KIAA1217: variants seen among roughly 807,000 people sequenced by gnomAD.
KIAA1217 encodes KIAA1217.
A neutral mutation model predicts 163.9 loss-of-function variants in KIAA1217; 88 were observed. That is an observed-to-expected ratio of 0.54 (90% CI 0.45 to 0.64). The LOEUF (loss-of-function observed/expected upper bound fraction) is 0.64, where lower values mean the gene tolerates loss of function less well. KIAA1217 is among the 30% of genes least tolerant of loss of function. The probability of loss-of-function intolerance (pLI) is 0.00; values close to 1 mark genes in which losing one functional copy is unlikely to be tolerated. For missense variants in KIAA1217, 2,372 were observed against 2,475.0 expected (o/e 0.96, Z 0.88); for synonymous variants, 903 against 923.1 (o/e 0.98, Z 0.39).
In KIAA1217 at chr10:24,362,769, G is replaced by T. The variant is rs528122373; in HGVS notation, c.355-18100G>T. On this transcript the variant is annotated intron_variant, in intron 2 of 20. Transcript: ENST00000376454. ...TAATCCCAGCACTTTGAGAGGCCAG[G>T]GTAGGCAGATCACTTGAGGCCCGGA... Among the ~76,000 whole-genome samples the T allele has an allele frequency of 1.9e-3, 293 of 152,236 alleles. 1 individual carries two copies. Among genetic ancestry groups the T allele is most frequent in the African/African-American group, 6.4e-3 (266 of 41,544 alleles).
intron 2 of KIAA1217, among the ~76,000 whole-genome samples, chr10:24,287,861 A>G (rs1449364200): frequency 2.0e-5 from 3 of 152,224 alleles, no homozygotes; most frequent in African/African-American, 2.4e-5. Flanking sequence ...ACTGTTTAGA[A>G]TTCAAATGTT....
chr10:23,811,409 A>C lies in KIAA1217; in HGVS notation c.-321+116175A>C, dbSNP rs1837046013. On this transcript the variant is annotated intron_variant, in intron 1 of 18. Coordinates refer to the KIAA1217 transcript ENST00000376462. ...GGGAGTGGGACTGGAGAGGGAAAAAAGGGGAACTCAGTTTTGGCCAAAATG... is the reference window on the plus strand; with the variant it reads ...GGGAGTGGGACTGGAGAGGGAAAAACGGGGAACTCAGTTTTGGCCAAAATG... Among the ~76,000 whole-genome samples, 4 of 151,112 alleles carry C rather than the reference A, an allele frequency of 2.6e-5. No individual in the cohort carries two copies. The South Asian group carries it at 8.3e-4, about 31-fold the overall frequency.
chr10:24,538,396 G>A (rs974830142), intron 17 of KIAA1217, among the ~76,000 whole-genome samples: 7 of 152,116 alleles, frequency 4.6e-5, no homozygotes, highest in African/African-American at 1.7e-4. Flanking sequence ...AAGAAAACCT[G>A]GCCTGGCATG....
intron 2 of KIAA1217, among the ~76,000 whole-genome samples, chr10:24,201,560 A>C (rs1376014115): frequency 6.6e-6 from 1 of 152,094 alleles, no homozygotes; most frequent in Non-Finnish European, 1.5e-5. Context: ...ATACTTTGTA[A>C]ATCCTGGAGG....
intron 1 of KIAA1217, among the ~76,000 whole-genome samples, chr10:23,849,334 G>T (rs1194899826): frequency 6.6e-6 from 1 of 152,036 alleles, no homozygotes; most frequent in African/African-American, 2.4e-5. Flanking sequence ...ATCCACATTT[G>T]GATGTAGCAG....
chr10:23,906,430 A>G (rs2131258461), intron 1 of KIAA1217, among the ~76,000 whole-genome samples: 1 of 152,300 alleles, frequency 6.6e-6, no homozygotes, highest in African/African-American at 2.4e-5. Context: ...GAAGTAGAGA[A>G]AGAAATTTTA....
intron 2 of KIAA1217, among the ~76,000 whole-genome samples, chr10:24,105,281 G>C (rs919040595): frequency 1.3e-5 from 2 of 152,114 alleles, no homozygotes; most frequent in African/African-American, 2.4e-5. Flanking sequence ...AAAGCATCAA[G>C]TTGCAAAAAT....
intron 1 of KIAA1217, among the ~76,000 whole-genome samples, chr10:23,709,536 GAA>G (rs549194014): frequency 1.5e-5 from 2 of 131,376 alleles, no homozygotes; most frequent in African/African-American, 5.6e-5. Context: ...CTCCAAAAAA[GAA>G]AAAAAAAAAA....
chr10:24,138,689 C>A (rs1181570468), intron 2 of KIAA1217, among the ~76,000 whole-genome samples: 2 of 151,116 alleles, frequency 1.3e-5, no homozygotes, highest in Non-Finnish European at 2.9e-5. Flanking sequence ...TATATCACCA[C>A]TTCCCCCTAT....
chr10:23,733,939 A>AT (rs1588685189), intron 1 of KIAA1217, among the ~76,000 whole-genome samples: 2 of 152,102 alleles, frequency 1.3e-5, no homozygotes, highest in South Asian at 4.1e-4. Context: ...CATTTTAAAT[A>AT]TTTTTCAGTA....
chr10:24,293,721 C>T (rs576610394), intron 2 of KIAA1217, among the ~76,000 whole-genome samples: 10 of 152,220 alleles, frequency 6.6e-5, no homozygotes, highest in Non-Finnish European at 1.3e-4. Flanking sequence ...GCATTATCAA[C>T]GGTGTCTTAA....
chr10:23,980,688 A>G (rs1845726392), intron 1 of KIAA1217, among the ~76,000 whole-genome samples: 1 of 152,132 alleles, frequency 6.6e-6, no homozygotes, highest in African/African-American at 2.4e-5. Context: ...CACATTCCTG[A>G]TACCTGTTGT....
intron 1 of KIAA1217, among the ~76,000 whole-genome samples, chr10:24,002,417 G>A (rs1001837432): frequency 1.3e-5 from 2 of 152,076 alleles, no homozygotes; most frequent in African/African-American, 4.8e-5. Context: ...GGCACTTTTA[G>A]AACATTCCAG....
chr10:24,140,581 T>C (rs1430210504), intron 2 of KIAA1217, among the ~76,000 whole-genome samples: 1 of 152,184 alleles, frequency 6.6e-6, no homozygotes, highest in African/African-American at 2.4e-5. Context: ...GGATGATTCT[T>C]GTCCTGGGTG....
At chr10:24,428,895 T>G (rs2059376823) in intron 3 of KIAA1217, among the ~76,000 whole-genome samples, 1 of 151,452 alleles carries the variant, frequency 6.6e-6, no homozygotes, top group Admixed American at 6.6e-5. Context: ...CTCATGAAAC[T>G]TACATGTTAG....
chr10:24,190,127 T>C (rs1455170301), intron 2 of KIAA1217, among the ~76,000 whole-genome samples: 3 of 152,158 alleles, frequency 2.0e-5, no homozygotes, highest in African/African-American at 7.2e-5. Flanking sequence ...CAGATTCTTC[T>C]TGACCTCTCT....
chr10:23,853,554 T>A (rs1349597626), intron 1 of KIAA1217, among the ~76,000 whole-genome samples: 3 of 152,176 alleles, frequency 2.0e-5, no homozygotes, highest in Non-Finnish European at 2.9e-5. Flanking sequence ...GTATTCCCTC[T>A]TTTTCTATTG....
intron 2 of KIAA1217, among the ~76,000 whole-genome samples, chr10:24,344,907 A>G (rs918179020): frequency 5.3e-5 from 8 of 152,112 alleles, no homozygotes; most frequent in African/African-American, 1.7e-4. Context: ...CTCAGAATCA[A>G]CTCTGCAGAC....
chr10:24,074,534 T>A (rs528865194), intron 2 of KIAA1217, among the ~76,000 whole-genome samples: 40 of 152,168 alleles, frequency 2.6e-4, no homozygotes, highest in Non-Finnish European at 4.6e-4. Flanking sequence ...AAACTGTTTT[T>A]TGTTACATAA....
Sources: allele counts gnomAD v4.1 joint callset (sites outside exome capture counted in the v4.1 genomes callset), GRCh38; gene constraint gnomAD v4.1.1; transcripts MANE v1.5; gene names NCBI Gene and HGNC (gene_info 2026-07-23, HGNC 2026-07-21).